The following SCHIP1 variants were observed in gnomAD, a reference collection of about 807,000 sequenced individuals.
SCHIP1 encodes schwannomin interacting protein 1.
A neutral mutation model predicts 29.7 loss-of-function variants in SCHIP1; 8 were observed. The ratio of observed to expected loss-of-function variants is 0.27; its 90% confidence interval spans 0.16 to 0.49. The LOEUF (loss-of-function observed/expected upper bound fraction) is 0.49. SCHIP1 is among the 20% of genes least tolerant of loss of function. SCHIP1 has a pLI of 0.99. For missense variants in SCHIP1, 193 were observed against 294.6 expected, an observed-to-expected ratio of 0.66 and a Z score of 2.52; for synonymous variants, 76 against 94.9, an observed-to-expected ratio of 0.80 and a Z score of 1.16.
the SCHIP1 span, chr3:159,273,735 A>T: frequency 6.4e-7 from 1 of 1,569,934 alleles, no homozygotes; most frequent in Non-Finnish European, 8.6e-7. Context: ...TAGCTAACCC[A>T]GGTGACCCTT....
chr3:159,664,357 C>A, the SCHIP1 span, among the ~76,000 whole-genome samples: 2 of 152,032 alleles, frequency 1.3e-5, no homozygotes, highest in Non-Finnish European at 2.9e-5. Context: ...GTTATAGTCC[C>A]TTATTCATTG....
At chr3:159,631,460 G>A in the SCHIP1 span, among the ~76,000 whole-genome samples, 7 of 152,128 alleles carry the variant, frequency 4.6e-5, no homozygotes, top group Non-Finnish European at 8.8e-5. Context: ...AATGAACAAA[G>A]TAAATACATA....
At chr3:159,875,914 G>A (rs187651832) in intron 2 of SCHIP1, among the ~76,000 whole-genome samples, 17 of 152,228 alleles carry the variant, frequency 1.1e-4, no homozygotes, top group Admixed American at 2.0e-4. Flanking sequence ...GCAACACAGC[G>A]AGAACCTGTC....
At chr3:159,480,210 T>C in the SCHIP1 span, among the ~76,000 whole-genome samples, 4 of 152,196 alleles carry the variant, frequency 2.6e-5, no homozygotes, top group East Asian at 5.8e-4. Context: ...TGTTAAAGAA[T>C]GCTTTTGAAA....
At chr3:159,734,787 CTTTTTTTTTTT>C in the SCHIP1 span, among the ~76,000 whole-genome samples, 2 of 110,488 alleles carry the variant, frequency 1.8e-5, no homozygotes, top group East Asian at 2.5e-4. Flanking sequence ...CTTTTCTTGT[CTTTTTTTTTTT>C]TTTTTTTTTT....
intron 1 of SCHIP1, among the ~76,000 whole-genome samples, chr3:159,854,031 G>A (rs1452031847): frequency 3.3e-5 from 5 of 152,094 alleles, no homozygotes; most frequent in Non-Finnish European, 7.4e-5. Context: ...ATATGGGTGA[G>A]GTCATGAAAT....
chr3:159,892,458 G>A (rs1444886578), intron 6 of SCHIP1: 1 of 578,592 alleles, frequency 1.7e-6, no homozygotes, highest in East Asian at 2.8e-5. Context: ...TCTAGTTCTG[G>A]TTTTGGAGGA....
At chr3:159,429,399 CA>C in the SCHIP1 span, among the ~76,000 whole-genome samples, 2 of 151,798 alleles carry the variant, frequency 1.3e-5, no homozygotes, top group African/African-American at 4.8e-5. Flanking sequence ...TTCCCATCAC[CA>C]AAAAAGCCAC....
At chr3:159,762,895 A>G in the SCHIP1 span, among the ~76,000 whole-genome samples, 9,556 of 152,202 alleles carry the variant, frequency 0.063, 361 homozygotes, top group South Asian at 0.2. Flanking sequence ...CCCTCACCTG[A>G]TATCTACCTC....
the SCHIP1 span, among the ~76,000 whole-genome samples, chr3:159,297,929 T>G: frequency 4.1e-4 from 63 of 152,306 alleles, no homozygotes; most frequent in Non-Finnish European, 6.9e-4. Flanking sequence ...CTCAACATAC[T>G]GTATTTTTCC....
At chr3:159,788,084 A>G in the SCHIP1 span, among the ~76,000 whole-genome samples, 1 of 152,218 alleles carries the variant, frequency 6.6e-6, no homozygotes, top group Non-Finnish European at 1.5e-5. Flanking sequence ...CATTACAACA[A>G]TCCCCGCAGC....
chr3:159,565,807 T>C, the SCHIP1 span, among the ~76,000 whole-genome samples: 1 of 152,232 alleles, frequency 6.6e-6, no homozygotes, highest in Admixed American at 6.5e-5. Context: ...AATGATATTA[T>C]ATTATGTGAT....
the SCHIP1 span, among the ~76,000 whole-genome samples, chr3:159,339,341 G>A: frequency 7.2e-5 from 11 of 151,746 alleles, no homozygotes; most frequent in African/African-American, 2.2e-4. Context: ...TGCTATTTTG[G>A]TAAATAAAGA....
the SCHIP1 span, among the ~76,000 whole-genome samples, chr3:159,641,478 G>A: frequency 1.3e-5 from 2 of 152,098 alleles, no homozygotes; most frequent in Non-Finnish European, 2.9e-5. Context: ...TCAATTTCAT[G>A]GAGATGAGTT....
At chr3:159,691,418 T>C in the SCHIP1 span, among the ~76,000 whole-genome samples, 1 of 76,492 alleles carries the variant, frequency 1.3e-5, no homozygotes, top group Non-Finnish European at 2.2e-5. Context: ...AACCCCTGCT[T>C]TTTTTTTTTT....
the SCHIP1 span, among the ~76,000 whole-genome samples, chr3:159,606,913 A>G: frequency 3.9e-5 from 6 of 152,210 alleles, no homozygotes; most frequent in Admixed American, 6.5e-5. Flanking sequence ...CTGGGCCTAA[A>G]GCAAAGTGAA....
the SCHIP1 span, among the ~76,000 whole-genome samples, chr3:159,504,932 A>T: frequency 1.3e-5 from 2 of 152,170 alleles, no homozygotes. Context: ...CATAACACAT[A>T]ACTTAAGGGA....
the SCHIP1 span, among the ~76,000 whole-genome samples, chr3:159,695,457 C>T: frequency 6.6e-6 from 1 of 152,182 alleles, no homozygotes; most frequent in African/African-American, 2.4e-5. Context: ...GTTCTACCTT[C>T]TGACTCCTAG....
At chr3:159,493,704 G>A in the SCHIP1 span, among the ~76,000 whole-genome samples, 87 of 151,734 alleles carry the variant, frequency 5.7e-4, no homozygotes, top group African/African-American at 2.0e-3. Context: ...AAGACAGAAA[G>A]TTAACAAGGA....
Sources: gnomAD v4.1 joint callset for allele counts (sites outside exome capture counted in the v4.1 genomes callset) on GRCh38, gnomAD v4.1.1 for gene constraint, MANE v1.5 for transcripts, NCBI Gene and HGNC (gene_info 2026-07-23, HGNC 2026-07-21) for gene names.